Variants in HOXA3 observed in about 807,000 individuals in gnomAD.
HOXA3 encodes homeobox protein Hox-A3.
Under a neutral mutation model 30.3 loss-of-function variants are expected in HOXA3, and 8 were observed. That is an observed-to-expected ratio of 0.26 (90% CI 0.15 to 0.48). The LOEUF (loss-of-function observed/expected upper bound fraction) is 0.48. HOXA3 is among the 20% of genes least tolerant of loss of function. The pLI is 0.99. For missense variants in HOXA3, 653 were observed against 614.4 expected, an observed-to-expected ratio of 1.06 and a Z score of -0.66; for synonymous variants, 323 against 273.1, an observed-to-expected ratio of 1.18 and a Z score of -1.80.
chr7:27,109,563 T>G (rs2128039218), intron 5 of HOXA3, among the ~76,000 whole-genome samples: 1 of 152,374 alleles, frequency 6.6e-6, no homozygotes, highest in East Asian at 1.9e-4. Flanking sequence ...ATGATAAGTC[T>G]GCATCCCCCT....
Position 27,152,499 on chromosome 7 carries a change from T to C in HOXA3, c.-705A>G. ...TGGCCTGGCCGGGGCTTCCCTTCGC[T>C]CGCCATCTCCGGACAAAGCACAGCC... On this transcript the variant is annotated 5_prime_UTR_variant, in exon 1 of 6. Transcript: ENST00000612286. 2 of 1,167,658 alleles carry C rather than the reference T, an allele frequency of 1.7e-6. No homozygotes were observed. The highest frequency in any genetic ancestry group is 2.1e-6 in the Non-Finnish European group (2 of 931,266). 72.3% of individuals were successfully genotyped at this position (1,167,658 alleles called of 1,614,324 possible).
At chr7:27,109,568 C>T (rs901916730) in intron 5 of HOXA3, among the ~76,000 whole-genome samples, 1 of 152,220 alleles carries the variant, frequency 6.6e-6, no homozygotes, top group East Asian at 1.9e-4. Context: ...AAGTCTGCAT[C>T]CCCCTCCCCC....
At chr7:27,150,179 A>C (rs78305208) in intron 1 of HOXA3, 7 of 108,134 alleles carry the variant, frequency 6.5e-5, no homozygotes, top group African/African-American at 1.5e-4. Context: ...CTCTCTCTCT[A>C]GAGAGAGAGG....
At chr7:27,130,317 C>G in intron 2 of HOXA3, 1 of 1,089,806 alleles carries the variant, frequency 9.2e-7, no homozygotes, top group Non-Finnish European at 1.1e-6. Flanking sequence ...GCGGCGGCAG[C>G]TGGGGCTGCA....
chr7:27,140,813 T>C (rs1782540447), intron 1 of HOXA3, among the ~76,000 whole-genome samples: 1 of 152,176 alleles, frequency 6.6e-6, no homozygotes, highest in South Asian at 2.1e-4. Context: ...GTTAACTTGG[T>C]TTCCTCAGAG....
chr7:27,118,812 C>T (rs745859178), intron 4 of HOXA3, among the ~76,000 whole-genome samples: 4 of 152,200 alleles, frequency 2.6e-5, no homozygotes, highest in Non-Finnish European at 5.9e-5. Flanking sequence ...GCCTGGACAG[C>T]GGACTTCCTC....
chr7:27,113,042 A>C lies in HOXA3; in HGVS notation c.-120-2282T>G, dbSNP rs2128042193. Among the ~76,000 whole-genome samples the C allele has an allele frequency of 6.6e-6, 1 of 150,892 alleles. No homozygotes were observed. The highest frequency in any genetic ancestry group is 1.5e-5 in the Non-Finnish European group (1 of 67,732). ...CACCTTGGAGCTCATACATCCCCCCACCCCAACCCAGCCCCCAAAGTTTGC... is the reference window on the plus strand; with the variant it reads ...CACCTTGGAGCTCATACATCCCCCCCCCCCAACCCAGCCCCCAAAGTTTGC... On this transcript the variant is annotated intron_variant, in intron 4 of 5. Coordinates refer to ENST00000612286, the MANE Select transcript of HOXA3 (RefSeq NM_153631.3). The surrounding 1 kb of genome is among the most constrained non-coding windows in gnomAD (Gnocchi z 4.8).
At chr7:27,116,852 C>T (rs1317593784) in intron 4 of HOXA3, among the ~76,000 whole-genome samples, 1 of 152,194 alleles carries the variant, frequency 6.6e-6, no homozygotes, top group Admixed American at 6.5e-5. Flanking sequence ...CAGTTAAACA[C>T]TTGGTTACTG....
intron 1 of HOXA3, among the ~76,000 whole-genome samples, chr7:27,148,778 C>CTCAGAGCTT (rs1341605972): frequency 1.3e-5 from 2 of 152,276 alleles, no homozygotes; most frequent in African/African-American, 4.8e-5. Context: ...GCGAGAACCG[C>CTCAGAGCTT]TCAGAGCTGA....
At position 27,110,590 on chromosome 7, in the gene HOXA3, G is replaced by T; in HGVS notation, c.51C>A (p.Pro17=). 6.2e-7 allele frequency: 1 copy of T among 1,607,488 alleles called. No homozygotes were observed. The highest frequency in any genetic ancestry group is 8.5e-7 in the Non-Finnish European group (1 of 1,175,374). The change falls in exon 5 of 6, where the codon CCC becomes CCA. Residue 17 remains proline (P), a synonymous_variant. Coordinates refer to ENST00000612286, the MANE Select transcript of HOXA3 (RefSeq NM_153631.3). ...AAGCGAACCCGTTGGCTGCCTGGTA[G>T]GGGTAGCCACCGTAGATCGCCGAGC... is the stretch of plus-strand genomic sequence containing the variant. The part of the protein sequence containing the change: ...YDSSAIYGGY[P]YQAANGFAYN...
At chr7:27,143,712 C>T (rs1406534697) in intron 1 of HOXA3, 2 of 1,467,810 alleles carry the variant, frequency 1.4e-6, no homozygotes, top group African/African-American at 2.9e-5. Context: ...GGGACATGTA[C>T]TTGGTTCCCT....
At chr7:27,141,642 A>G (rs1260603735) in intron 1 of HOXA3, 16 of 592,686 alleles carry the variant, frequency 2.7e-5, no homozygotes, top group Non-Finnish European at 1.1e-5. Flanking sequence ...GGACAAAGAG[A>G]TGAACAGAAA....
intron 5 of HOXA3, 122 bp downstream of exon 5, chr7:27,109,993 G>A: frequency 1.6e-6 from 2 of 1,216,872 alleles, no homozygotes; most frequent in Non-Finnish European, 2.4e-6. Context: ...GTGGGCAGTG[G>A]TGTGGGAGCA....
chr7:27,130,008 G>A lies in HOXA3; in HGVS notation c.-389-2938C>T. 3.1e-6 allele frequency: 4 copies of A among 1,282,496 alleles called. No homozygotes were observed. In the South Asian group the frequency reaches 3.9e-5, roughly 12 times the overall value. 79.4% of individuals were successfully genotyped at this position (1,282,496 alleles called of 1,614,324 possible). On this transcript the variant is annotated intron_variant, in intron 2 of 5. Coordinates refer to ENST00000612286, the MANE Select transcript of HOXA3 (RefSeq NM_153631.3). ...TCACCGCAGCCCGGGTCAGATGGGG[G>A]CTCCCCTCCCGAGGCCCCCTTCCCC...
chr7:27,145,081 C>A (rs888005383), intron 1 of HOXA3, among the ~76,000 whole-genome samples: 3 of 152,186 alleles, frequency 2.0e-5, no homozygotes, highest in Non-Finnish European at 1.5e-5. Context: ...TGTTGGGGCC[C>A]CCTTTGTTCC....
At position 27,110,212 on chromosome 7, in the gene HOXA3, G is replaced by C. The variant is rs1235437557; in HGVS notation, c.429C>G (p.Ser143Arg). Residue 143 changes from serine (S) to arginine (R), a missense_variant, in exon 5 of 6, where the codon AGC becomes AGG. By Grantham distance (110) the Ser-to-Arg change is moderately radical. Transcript: ENST00000612286. ...NNPTPANAAK[S>R]PLLNSPTVAK... ...CCACTGTGGGTGAGTTGAGCAGGGG[G>C]CTCTTGGCCGCGTTGGCAGGGGTAG... The C allele has an allele frequency of 6.2e-7, 1 of 1,614,000 alleles. No individual in the cohort carries two copies. Among genetic ancestry groups the C allele is most frequent in the Non-Finnish European group, 8.5e-7 (1 of 1,180,012 alleles).
In HOXA3 at chr7:27,141,425, C is replaced by T. The variant is rs548247202; in HGVS notation, c.-493-1239G>A. 1.8e-5 allele frequency: 3 copies of T among 165,676 alleles called. No individual in the cohort carries two copies. In the East Asian group the frequency reaches 5.3e-4, roughly 29 times the overall value. The allele number at this position is 165,676 out of a possible 1,614,324, so 10.3% of individuals were successfully genotyped here. ...TAAAAATATCTTTAACAGCTTGGAGCTATTGAGACAGGAACACTTCCACGC... is the reference window on the plus strand; with the variant it reads ...TAAAAATATCTTTAACAGCTTGGAGTTATTGAGACAGGAACACTTCCACGC... On this transcript the variant is annotated intron_variant, in intron 1 of 5. Transcript: ENST00000612286.
Position 27,147,314 on chromosome 7 carries a change from A to G in HOXA3, c.-494+4974T>C, listed in dbSNP as rs1782803268. On this transcript the variant is annotated intron_variant, in intron 1 of 5. Coordinates refer to ENST00000612286, the MANE Select transcript of HOXA3 (RefSeq NM_153631.3). ...GTCTTGGGATATGTCTTACCCGCGC[A>G]GGAGTTCATCCGCTGCATCCAAGGG... The G allele has an allele frequency of 1.1e-5, 18 of 1,613,194 alleles. No individual in the cohort carries two copies. The East Asian group carries it at 4.0e-4, about 36-fold the overall frequency.
intron 1 of HOXA3, chr7:27,142,190 C>A: frequency 1.6e-6 from 2 of 1,266,160 alleles, no homozygotes; most frequent in Admixed American, 2.5e-5. Flanking sequence ...AAAAGCTCAA[C>A]AAGTTCTGCC....
Sources: gnomAD v4.1 joint callset for allele counts (sites outside exome capture counted in the v4.1 genomes callset) on GRCh38, gnomAD v4.1.1 for gene constraint, Gnocchi (gnomAD v3.1) non-coding constraint, MANE v1.5 for transcripts, NCBI Gene and HGNC (gene_info 2026-07-23, HGNC 2026-07-21) for gene names.